Variants in ALDH1A1 observed in about 807,000 individuals in gnomAD.
ALDH1A1 encodes aldehyde dehydrogenase 1A1.
Under a neutral mutation model 62.1 loss-of-function variants are expected in ALDH1A1, and 19 were observed. The ratio of observed to expected loss-of-function variants is 0.31; its 90% CI spans 0.21 to 0.45. The LOEUF is 0.45. Among genes scored for constraint, ALDH1A1 ranks in the 20% least tolerant of loss-of-function variants. ALDH1A1 has a pLI of 1.00. For missense variants in ALDH1A1, 521 were observed against 607.1 expected (o/e 0.86, Z 1.49); for synonymous variants, 231 against 215.9 (o/e 1.07, Z -0.61).
intron 2 of ALDH1A1, among the ~76,000 whole-genome samples, chr9:72,938,268 A>T (rs1441791910): frequency 6.6e-6 from 1 of 152,136 alleles, no homozygotes; most frequent in Non-Finnish European, 1.5e-5. Flanking sequence ...AAATAAAATA[A>T]AACATTACTT....
chr9:72,901,771 T>C (rs1268709293), intron 12 of ALDH1A1, among the ~76,000 whole-genome samples: 1 of 152,048 alleles, frequency 6.6e-6, no homozygotes, highest in Admixed American at 6.6e-5. Flanking sequence ...AGTTTTATTG[T>C]AGTACTAGAG....
At position 72,914,058 on chromosome 9, in the gene ALDH1A1, C is replaced by G. The variant is rs8187967; in HGVS notation, c.1036-1936G>C. On this transcript the variant is annotated intron_variant, in intron 9 of 12. Coordinates refer to ENST00000297785, the MANE Select transcript of ALDH1A1 (RefSeq NM_000689.5). ...TGCTAGGATGTAGCTGGGGCTCTTT[C>G]ATGTGATGGGCCATTGGCCTATGGG... Among the ~76,000 whole-genome samples the G allele has an allele frequency of 1.9e-3, 293 of 152,262 alleles. 1 individual carries two copies. Among genetic ancestry groups the G allele is most frequent in the African/African-American group, 6.9e-3 (286 of 41,542 alleles).
At position 72,927,086 on chromosome 9, in the gene ALDH1A1, A is replaced by G; in HGVS notation, c.504+30T>C. ...ATAGAATAAGAACTCTTCTTTTTAA[A>G]ATTGAGAATTATATAGGAGAAAAGC... On this transcript the variant is annotated intron_variant, in intron 5 of 12. Coordinates refer to ENST00000297785, the MANE Select transcript of ALDH1A1 (RefSeq NM_000689.5). 5 of 1,521,336 alleles carry G rather than the reference A, an allele frequency of 3.3e-6. No individual in the cohort carries two copies. The South Asian group carries it at 6.0e-5, about 18-fold the overall frequency. 94.2% of individuals were successfully genotyped at this position (1,521,336 alleles called of 1,614,324 possible).
chr9:72,937,906 A>G (rs1830363984), intron 2 of ALDH1A1, among the ~76,000 whole-genome samples: 1 of 152,166 alleles, frequency 6.6e-6, no homozygotes, highest in Admixed American at 6.5e-5. Context: ...TTTTGTTTCT[A>G]CTTCTCAAAT....
Position 72,920,136 on chromosome 9 carries a change from A to G in ALDH1A1, c.748-1314T>C, listed in dbSNP as rs8187949. 3.3e-3 allele frequency among the ~76,000 whole-genome samples: 506 copies of G among 152,280 alleles called. 4 individuals are homozygous for G. The highest frequency in any genetic ancestry group is 0.012 in the African/African-American group (494 of 41,544). On this transcript the variant is annotated intron_variant, in intron 7 of 12. Transcript: ENST00000297785. ...TTTCTATCCCAACTGAACAAGAGAG[A>G]AATAGATGTTTCGTGAGTGTATGTT...
chr9:72,919,337 GAC>G (rs1368400907), intron 7 of ALDH1A1, among the ~76,000 whole-genome samples: 3 of 152,008 alleles, frequency 2.0e-5, no homozygotes, highest in Non-Finnish European at 4.4e-5. Context: ...CAGTCAAACT[GAC>G]ATATTCACTA....
intron 7 of ALDH1A1, 25 bp from the exon 8 acceptor site, chr9:72,918,847 G>C: frequency 1.3e-6 from 2 of 1,562,934 alleles, no homozygotes; most frequent in Non-Finnish European, 1.8e-6. Flanking sequence ...TACAAAGGAG[G>C]AGGCTTACCC....
At chr9:72,923,277 T>C (rs943209539) in intron 7 of ALDH1A1, among the ~76,000 whole-genome samples, 3 of 152,230 alleles carry the variant, frequency 2.0e-5, no homozygotes. Context: ...CACTCTTCAC[T>C]GTCTATACTG....
At chr9:72,918,592 C>T (rs1001179748) in intron 8 of ALDH1A1, 128 bp downstream of exon 8, 5 of 623,980 alleles carry the variant, frequency 8.0e-6, no homozygotes, top group Non-Finnish European at 1.3e-5. Flanking sequence ...ACTCTTTACA[C>T]TTTGATGTTA....
rs1244783317 is a variant in ALDH1A1 at position 72,912,061 on chromosome 9, G to C, written c.1097C>G (p.Ala366Gly). ...CGGGCCTCCTCCACATTCCAGTTTG[G>C]CCCCTTCTTTCTTCCCACTCTCAAT... ...DLIESGKKEG[A>G]KLECGGGPWG... is the part of the protein sequence containing the mutation. The change falls in exon 10 of 13, where the codon GCC (alanine) becomes GGC (glycine). Residue 366 changes from alanine to glycine, a missense_variant. By Grantham distance (60) the Ala-to-Gly change is moderately conservative (BLOSUM62 0). Transcript: ENST00000297785. The C allele has an allele frequency of 6.2e-7, 1 of 1,613,600 alleles. No homozygotes were observed. Among genetic ancestry groups the C allele is most frequent in the African/African-American group, 1.3e-5 (1 of 74,864 alleles).
intron 9 of ALDH1A1, among the ~76,000 whole-genome samples, chr9:72,913,839 C>T (rs778310317): frequency 1.2e-4 from 19 of 152,176 alleles, no homozygotes; most frequent in Non-Finnish European, 1.2e-4. Context: ...ACTGAATCCC[C>T]GGGCACAGGA....
chr9:72,950,064 T>A (rs981101938), intron 1 of ALDH1A1, among the ~76,000 whole-genome samples: 3 of 151,558 alleles, frequency 2.0e-5, no homozygotes, highest in Non-Finnish European at 2.9e-5. Context: ...AGGAAACAGG[T>A]CTAGGAAAGG....
intron 2 of ALDH1A1, among the ~76,000 whole-genome samples, chr9:72,932,105 T>C (rs956348554): frequency 2.6e-5 from 4 of 152,292 alleles, no homozygotes; most frequent in Non-Finnish European, 5.9e-5. Context: ...GCAAACACCA[T>C]AAAGGAATAT....
At chr9:72,937,633 T>C (rs374584049) in intron 2 of ALDH1A1, among the ~76,000 whole-genome samples, 3 of 152,186 alleles carry the variant, frequency 2.0e-5, no homozygotes, top group Admixed American at 1.3e-4. Flanking sequence ...AGGACTACAC[T>C]GTGGACATGT....
chr9:72,936,384 C>T (rs2773806), intron 2 of ALDH1A1, among the ~76,000 whole-genome samples: 136,274 of 152,214 alleles, frequency 0.9, 61,905 homozygotes, highest in East Asian at 0.99. Flanking sequence ...GGCTCCAGAA[C>T]TAAAACATCA....
At chr9:72,933,610 A>AAAAAAT (rs1564637328) in intron 2 of ALDH1A1, among the ~76,000 whole-genome samples, 1 of 119,020 alleles carries the variant, frequency 8.4e-6, no homozygotes, top group African/African-American at 3.0e-5. Flanking sequence ...AAAAAAAAAA[A>AAAAAAT]AAAGAAAAAG....
intron 9 of ALDH1A1, among the ~76,000 whole-genome samples, chr9:72,914,995 A>G (rs994311378): frequency 6.6e-6 from 1 of 152,158 alleles, no homozygotes; most frequent in African/African-American, 2.4e-5. Flanking sequence ...TCCTAACAAT[A>G]GATGAATATT....
intron 7 of ALDH1A1, among the ~76,000 whole-genome samples, chr9:72,920,605 T>A (rs1380510274): frequency 1.3e-5 from 2 of 152,160 alleles, no homozygotes; most frequent in Non-Finnish European, 2.9e-5. Flanking sequence ...AGAACTAGGA[T>A]GAAGAATGGT....
chr9:72,901,291 GAA>G lies in ALDH1A1; in HGVS notation c.1434-13_1434-12del, dbSNP rs1415428890. The G allele has an allele frequency of 6.3e-7, 1 of 1,588,092 alleles. No homozygotes were observed. The highest frequency in any genetic ancestry group is 2.2e-5 in the East Asian group (1 of 44,664). ...AAACCGTACTCTCCCCTAGAGAGAA[GAA>G]AAACATACCCACAAACACCATTTAG... On this transcript the variant is annotated splice_polypyrimidine_tract_variant and intron_variant, in intron 12 of 12. Coordinates refer to ENST00000297785, the MANE Select transcript of ALDH1A1 (RefSeq NM_000689.5).
Sources: allele counts gnomAD v4.1 joint callset (sites outside exome capture counted in the v4.1 genomes callset), GRCh38; gene constraint gnomAD v4.1.1; transcripts MANE v1.5; gene names NCBI Gene and HGNC (gene_info 2026-07-23, HGNC 2026-07-21).